Variants in SPRR2G observed in about 807,000 individuals in gnomAD.
SPRR2G encodes small proline rich protein 2G, also known as small proline-rich protein 2G.
SPRR2G carries 1 observed loss-of-function variant against 0.7 expected under a neutral mutation model. That is an observed-to-expected ratio of 1.49 (90% CI 0.53 to 7.06). The LOEUF (loss-of-function observed/expected upper bound fraction) is 7.06. Among genes scored for constraint, SPRR2G ranks in the 30% most tolerant of loss-of-function variants. The pLI, the probability that SPRR2G is intolerant of heterozygous loss-of-function variation, is 0.14. For synonymous variants in SPRR2G, 38 were observed against 33.9 expected (o/e 1.12, Z -0.42); for missense variants, 96 against 88.5 (o/e 1.09, Z -0.34).
chr1:153,158,156 C>T, the SPRR2G span, among the ~76,000 whole-genome samples: 1 of 152,174 alleles, frequency 6.6e-6, no homozygotes, highest in East Asian at 1.9e-4. Flanking sequence ...CCCCCAAAGT[C>T]TTAACTCATT....
At chr1:153,198,483 C>T in the SPRR2G span, among the ~76,000 whole-genome samples, 1 of 152,116 alleles carries the variant, frequency 6.6e-6, no homozygotes, top group Admixed American at 6.5e-5. Flanking sequence ...GAATGGGGGA[C>T]CAACTTGAGA....
chr1:153,150,013 G>A lies in SPRR2G; in HGVS notation c.98C>T (p.Pro33Leu). Reference sequence around the variant, plus strand: ...ACAAGGAGGAGGCAGGTAAGGCTCAGGGCACTTCGGGGGTGGACATGGCTC... The same window carrying A: ...ACAAGGAGGAGGCAGGTAAGGCTCAAGGCACTTCGGGGGTGGACATGGCTC... ...CPEPCPPPKC[P>L]EPYLPPPCPP... The change falls in exon 2 of 2, where the codon CCT becomes CTT. Residue 33 changes from proline (P) to leucine (L), a missense_variant. Transcript: ENST00000368748. 6.2e-7 allele frequency: 1 copy of A among 1,613,874 alleles called. No homozygotes were observed. The highest frequency in any genetic ancestry group is 8.5e-7 in the Non-Finnish European group (1 of 1,179,938).
At chr1:153,191,093 T>C in the SPRR2G span, 1 of 152,200 alleles carries the variant, frequency 6.6e-6, no homozygotes, top group Non-Finnish European at 1.5e-5. Flanking sequence ...AGTCAGAAGG[T>C]CTTCTTTTTC....
chr1:153,151,920 A>G (rs1444209664), upstream of SPRR2G, among the ~76,000 whole-genome samples: 2 of 152,238 alleles, frequency 1.3e-5, no homozygotes, highest in Non-Finnish European at 2.9e-5. Context: ...CACTTCAGCT[A>G]GTATTACTCA....
chr1:153,174,331 A>G, the SPRR2G span, among the ~76,000 whole-genome samples: 4 of 152,216 alleles, frequency 2.6e-5, no homozygotes, highest in Non-Finnish European at 2.9e-5. Flanking sequence ...TTAAAATATT[A>G]TTGGGTAGAT....
chr1:153,187,794 G>C, the SPRR2G span, among the ~76,000 whole-genome samples: 2 of 152,128 alleles, frequency 1.3e-5, no homozygotes, highest in Non-Finnish European at 2.9e-5. Context: ...CTTGGTTTTG[G>C]AATTTTCAGC....
the SPRR2G span, among the ~76,000 whole-genome samples, chr1:153,180,624 A>G: frequency 1.3e-5 from 2 of 152,178 alleles, no homozygotes; most frequent in African/African-American, 4.8e-5. Flanking sequence ...TCTGTTAGGT[A>G]CATACCTAGG....
the SPRR2G span, chr1:153,190,527 G>C: frequency 6.6e-6 from 1 of 152,234 alleles, no homozygotes; most frequent in Non-Finnish European, 1.5e-5. Context: ...TTCCACCTGT[G>C]ATCCAAATAT....
chr1:153,165,665 T>C, the SPRR2G span, among the ~76,000 whole-genome samples: 1 of 148,684 alleles, frequency 6.7e-6, no homozygotes. Flanking sequence ...GAACACAGCA[T>C]GTATTCTGGT....
chr1:153,167,833 A>G, the SPRR2G span, among the ~76,000 whole-genome samples: 1 of 152,246 alleles, frequency 6.6e-6, no homozygotes, highest in African/African-American at 2.4e-5. Flanking sequence ...CTCCACCACA[A>G]TAATATAGTA....
the SPRR2G span, among the ~76,000 whole-genome samples, chr1:153,184,570 C>T: frequency 2.0e-5 from 3 of 152,070 alleles, no homozygotes; most frequent in Non-Finnish European, 4.4e-5. Context: ...CCTGAGACTG[C>T]TGTATTTGCT....
the SPRR2G span, among the ~76,000 whole-genome samples, chr1:153,163,489 T>C: frequency 6.6e-6 from 1 of 152,184 alleles, no homozygotes; most frequent in Non-Finnish European, 1.5e-5. Context: ...GCTCCTATAT[T>C]TGGGGACACA....
upstream of SPRR2G, among the ~76,000 whole-genome samples, chr1:153,151,956 G>C (rs1056224068): frequency 2.0e-5 from 3 of 152,138 alleles, no homozygotes; most frequent in African/African-American, 7.2e-5. Context: ...AAAAACTTGA[G>C]TACCTTGGTT....
chr1:153,183,820 C>T, the SPRR2G span, among the ~76,000 whole-genome samples: 2 of 152,134 alleles, frequency 1.3e-5, no homozygotes, highest in Non-Finnish European at 2.9e-5. Flanking sequence ...ATGGTATTGC[C>T]TAGGTTTTCT....
At chr1:153,189,823 G>A in the SPRR2G span, among the ~76,000 whole-genome samples, 1 of 152,078 alleles carries the variant, frequency 6.6e-6, no homozygotes, top group African/African-American at 2.4e-5. Flanking sequence ...TAGGAACAGG[G>A]GACACAGAGT....
chr1:153,190,839 G>GGA, the SPRR2G span: 1 of 151,784 alleles, frequency 6.6e-6, no homozygotes, highest in Admixed American at 6.6e-5. Flanking sequence ...CCCTTCCTCT[G>GGA]GACTTTGAAC....
the SPRR2G span, among the ~76,000 whole-genome samples, chr1:153,178,989 G>GGAACA: frequency 6.6e-6 from 1 of 152,122 alleles, no homozygotes; most frequent in Non-Finnish European, 1.5e-5. Flanking sequence ...TACAATGAGA[G>GGAACA]GAACAGAACC....
upstream of SPRR2G, among the ~76,000 whole-genome samples, chr1:153,153,121 C>T (rs747090707): frequency 2.6e-5 from 4 of 152,006 alleles, no homozygotes; most frequent in Admixed American, 2.0e-4. Flanking sequence ...AACTAGTAAC[C>T]GTGGTTATCT....
At chr1:153,156,779 T>C in the SPRR2G span, among the ~76,000 whole-genome samples, 1 of 152,080 alleles carries the variant, frequency 6.6e-6, no homozygotes, top group African/African-American at 2.4e-5. Flanking sequence ...CAAAAATTAG[T>C]ACAAATTTGG....
Sources: allele counts gnomAD v4.1 joint callset (sites outside exome capture counted in the v4.1 genomes callset), GRCh38; gene constraint gnomAD v4.1.1; transcripts MANE v1.5; gene names NCBI Gene and HGNC (gene_info 2026-07-23, HGNC 2026-07-21).